Variants in CNOT2 observed in about 807,000 individuals in gnomAD.
CNOT2 encodes CC chemokine receptor 4-negative regulator of transcription 2.
CNOT2 carries 7 observed loss-of-function variants against 72.1 expected under a neutral mutation model. The observed-to-expected ratio is 0.10, with a 90% confidence interval of 0.06 to 0.18. The LOEUF (loss-of-function observed/expected upper bound fraction) is 0.18, where lower values mean the gene tolerates loss of function less well. Among genes scored for constraint, CNOT2 ranks in the 10% least tolerant of loss-of-function variants. The pLI is 1.00. For missense variants in CNOT2, 345 were observed against 660.3 expected, an observed-to-expected ratio of 0.52 and a Z score of 5.23; for synonymous variants, 196 against 225.6, an observed-to-expected ratio of 0.87 and a Z score of 1.17.
intron 7 of CNOT2, chr12:70,334,726 T>C (rs1880430500): frequency 6.6e-6 from 1 of 152,104 alleles, no homozygotes; most frequent in Non-Finnish European, 1.5e-5. Flanking sequence ...TTGTTTTAAC[T>C]TAAAATGAAC....
chr12:70,312,278 T>C (rs867104995), intron 3 of CNOT2, among the ~76,000 whole-genome samples: 19 of 152,122 alleles, frequency 1.2e-4, no homozygotes, highest in Middle Eastern at 3.4e-3. Context: ...ATTTGGGATA[T>C]ATTTTTGGTA....
intron 1 of CNOT2, among the ~76,000 whole-genome samples, chr12:70,254,796 C>T (rs1193122398): frequency 1.3e-5 from 2 of 151,818 alleles, no homozygotes; most frequent in East Asian, 3.9e-4. Context: ...GCCTGGCCAA[C>T]ATGGAAAACC....
rs1371996817 is a variant in CNOT2, at chr12:70,282,472, A to G, written c.48+4198A>G. ...TTCCTTTTAATTAACTTTAAAAATC[A>G]CAGATGCCTATTACCAAAACGTTGA... On this transcript the variant is annotated intron_variant, in intron 2 of 15. Transcript: ENST00000229195. Among the ~76,000 whole-genome samples, 7 of 152,230 alleles carry G rather than the reference A, an allele frequency of 4.6e-5. 1 individual carries two copies. The highest frequency in any genetic ancestry group is 3.9e-4 in the Admixed American group (6 of 15,286).
intron 2 of CNOT2, among the ~76,000 whole-genome samples, chr12:70,283,687 A>G (rs1185655470): frequency 6.6e-6 from 1 of 150,706 alleles, no homozygotes; most frequent in African/African-American, 2.4e-5. Context: ...CCTGAATCCA[A>G]TGAATTGGTT....
chr12:70,285,082 G>C (rs567205807), intron 2 of CNOT2, among the ~76,000 whole-genome samples: 1 of 152,284 alleles, frequency 6.6e-6, no homozygotes, highest in East Asian at 1.9e-4. Flanking sequence ...TTACATTTAA[G>C]TGGTTTGCCT....
intron 2 of CNOT2, among the ~76,000 whole-genome samples, chr12:70,303,284 G>A (rs1301252477): frequency 2.0e-5 from 3 of 152,136 alleles, no homozygotes; most frequent in Non-Finnish European, 2.9e-5. Flanking sequence ...GATTTTGCTC[G>A]TTAGTTGATG....
Position 70,278,250 on chromosome 12 carries a change from A to G in CNOT2, c.24A>G (p.Thr8=), listed in dbSNP as rs1264004070. The G allele has an allele frequency of 3.1e-6, 5 of 1,611,866 alleles. No individual in the cohort carries two copies. Among genetic ancestry groups the G allele is most frequent in the East Asian group, 2.2e-5 (1 of 44,844 alleles). MVRTDGH[T]LSEKRNYQVT... is the part of the protein sequence containing the mutation. ...CTATGGTGAGGACTGATGGACATACATTATCTGAGAAAAGAAACTACCAGG... is the reference window on the plus strand; with the variant it reads ...CTATGGTGAGGACTGATGGACATACGTTATCTGAGAAAAGAAACTACCAGG... The change falls in exon 2 of 16, where the codon ACA becomes ACG. Residue 8 remains threonine, a synonymous_variant. Transcript: ENST00000229195.
rs146847010 is a variant in CNOT2, at chr12:70,254,330, G to C, written c.-96+10850G>C. ...ACACCTCTTGTACTGTACTTCTTGT[G>C]ATCTGTCAGTCTGATAATCAAGATA... On this transcript the variant is annotated intron_variant, in intron 1 of 15. Transcript: ENST00000229195. Among the ~76,000 whole-genome samples the C allele has an allele frequency of 3.7e-3, 555 of 152,054 alleles. 3 individuals carry two copies. The highest frequency in any genetic ancestry group is 0.012 in the African/African-American group (506 of 41,482).
intron 1 of CNOT2, among the ~76,000 whole-genome samples, chr12:70,248,035 C>A (rs933255620): frequency 2.9e-4 from 44 of 152,128 alleles, no homozygotes; most frequent in African/African-American, 1.0e-3. Context: ...GTGATTAATA[C>A]CCTGTTTTGC....
In CNOT2 at chr12:70,344,199, C is replaced by T. The variant is rs751907716; in HGVS notation, c.1362C>T (p.Asp454=). The change falls in exon 14 of 16, where the codon GAC becomes GAT. Residue 454 remains aspartate, a synonymous_variant. Coordinates refer to ENST00000229195, the MANE Select transcript of CNOT2 (RefSeq NM_014515.7). The stretch of plus-strand genomic sequence containing the variant: ...ATCTCTATTACATGAATGGAGGAGA[C>T]GTATTACAACTTTTAGCTGCAGTGG... ...LFYLYYMNGG[D]VLQLLAAVEL... 24 of 1,611,250 alleles carry T rather than the reference C, an allele frequency of 1.5e-5. No individual in the cohort carries two copies. The highest frequency in any genetic ancestry group is 4.0e-5 in the African/African-American group (3 of 74,806).
At chr12:70,299,164 T>C (rs908120395) in intron 2 of CNOT2, among the ~76,000 whole-genome samples, 2 of 152,062 alleles carry the variant, frequency 1.3e-5, no homozygotes, top group Non-Finnish European at 2.9e-5. Flanking sequence ...CAAGAGTGAA[T>C]GTGTGCAGGG....
At chr12:70,310,094 A>C (rs2135953466) in intron 2 of CNOT2, among the ~76,000 whole-genome samples, 1 of 152,190 alleles carries the variant, frequency 6.6e-6, no homozygotes, top group African/African-American at 2.4e-5. Flanking sequence ...AGATGATTTA[A>C]AGTATATGAA....
Position 70,354,105 on chromosome 12 carries a change from A to C in CNOT2, c.*190A>C. 2 of 1,056,938 alleles carry C rather than the reference A, an allele frequency of 1.9e-6. No individual in the cohort carries two copies. The highest frequency in any genetic ancestry group is 2.5e-6 in the Non-Finnish European group (2 of 801,302). The allele number at this position is 1,056,938 out of a possible 1,614,324, so 65.5% of individuals were successfully genotyped here. ...CCTTACTAATTATGTGCTGCCCAAC[A>C]ACTAAATTTGTAATTTGTTTTTCTC... On this transcript the variant is annotated 3_prime_UTR_variant, in exon 16 of 16. Transcript: ENST00000229195.
chr12:70,284,699 G>A (rs1217113879), intron 2 of CNOT2, among the ~76,000 whole-genome samples: 1 of 150,884 alleles, frequency 6.6e-6, no homozygotes, highest in Non-Finnish European at 1.5e-5. Context: ...ATTGCCGTGT[G>A]ATGCTAAGTG....
intron 2 of CNOT2, among the ~76,000 whole-genome samples, chr12:70,289,541 T>TC (rs1025231212): frequency 6.6e-6 from 1 of 152,174 alleles, no homozygotes; most frequent in African/African-American, 2.4e-5. Context: ...TTCTCTGTCT[T>TC]CACTGTCCTT....
At chr12:70,305,873 G>GTTTTTTTTTT (rs11412509) in intron 2 of CNOT2, among the ~76,000 whole-genome samples, 3 of 60,104 alleles carry the variant, frequency 5.0e-5, no homozygotes, top group African/African-American at 1.3e-4. Context: ...TCTGAAGTTT[G>GTTTTTTTTTT]TTTTTTTTTT....
intron 1 of CNOT2, among the ~76,000 whole-genome samples, chr12:70,266,003 C>CTTT (rs200929958): frequency 7.0e-6 from 1 of 143,488 alleles, no homozygotes; most frequent in Admixed American, 6.9e-5. Context: ...ATTCTTTTAA[C>CTTT]TTTTTTTTTT....
intron 2 of CNOT2, among the ~76,000 whole-genome samples, chr12:70,303,461 C>T (rs889110693): frequency 6.6e-6 from 1 of 152,106 alleles, no homozygotes; most frequent in African/African-American, 2.4e-5. Context: ...TATTTTATTT[C>T]TCCTTCACTT....
chr12:70,337,914 A>G (rs1359106966), intron 9 of CNOT2: 2 of 323,274 alleles, frequency 6.2e-6, no homozygotes, highest in East Asian at 9.3e-5. Context: ...AAATATGTTT[A>G]TTTCTTCCAC....
Sources: gnomAD v4.1 joint callset for allele counts (sites outside exome capture counted in the v4.1 genomes callset) on GRCh38, gnomAD v4.1.1 for gene constraint, MANE v1.5 for transcripts, NCBI Gene and HGNC (gene_info 2026-07-23, HGNC 2026-07-21) for gene names.